Variants in EYS observed in about 807,000 individuals in gnomAD.
The protein encoded by EYS is EGF-like photoreceptor maintenance factor.
A neutral mutation model predicts 282.1 loss-of-function variants in EYS; 250 were observed. The observed-to-expected ratio is 0.89, with a 90% CI of 0.80 to 0.98. The LOEUF is 0.98. Ranked by LOEUF, EYS falls within the 50% of genes least tolerant of loss-of-function variation. EYS has a pLI of 0.00. For synonymous variants in EYS, 1,355 were observed against 1,282.9 expected (o/e 1.06, Z -1.20); for missense variants, 4,016 against 3,709.0 (o/e 1.08, Z -2.15).
chr6:63,942,323 A>C (rs1765266978), intron 35 of EYS, among the ~76,000 whole-genome samples: 1 of 152,218 alleles, frequency 6.6e-6, no homozygotes, highest in African/African-American at 2.4e-5. Context: ...ATGACTTCAC[A>C]AGATTTATGA....
intron 12 of EYS, among the ~76,000 whole-genome samples, chr6:65,064,204 C>A (rs1413430529): frequency 1.4e-5 from 2 of 138,160 alleles, no homozygotes; most frequent in South Asian, 2.2e-4. Context: ...TACTATATAT[C>A]ATATACTATA....
chr6:65,368,883 G>C (rs1765019819), intron 8 of EYS, among the ~76,000 whole-genome samples: 1 of 151,526 alleles, frequency 6.6e-6, no homozygotes, highest in Non-Finnish European at 1.5e-5. Flanking sequence ...AGAGAGAGAT[G>C]AGAGGAGATG....
intron 30 of EYS, among the ~76,000 whole-genome samples, chr6:64,260,058 A>G (rs1278837386): frequency 1.3e-5 from 2 of 152,056 alleles, no homozygotes; most frequent in African/African-American, 4.8e-5. Flanking sequence ...AAGTATGTAA[A>G]TGTGACTTAA....
chr6:64,183,656 CTT>C (rs1764850094), intron 31 of EYS, among the ~76,000 whole-genome samples: 1 of 152,034 alleles, frequency 6.6e-6, no homozygotes, highest in African/African-American at 2.4e-5. Context: ...ATATTTAAAA[CTT>C]TTAAATGTAA....
intron 22 of EYS, among the ~76,000 whole-genome samples, chr6:64,755,489 AACAT>A (rs1211873031): frequency 8.0e-5 from 10 of 124,558 alleles, no homozygotes; most frequent in African/African-American, 2.9e-4. Context: ...AAATCTTGAG[AACAT>A]ACATACACAC....
intron 2 of EYS, among the ~76,000 whole-genome samples, chr6:65,604,842 CT>C (rs10583844): frequency 0.064 from 8,329 of 130,346 alleles, 658 homozygotes; most frequent in African/African-American, 0.2. Context: ...TCACTGCCCC[CT>C]TTTTTTTTTT....
intron 15 of EYS, among the ~76,000 whole-genome samples, chr6:64,939,141 C>A (rs538180245): frequency 2.0e-5 from 3 of 151,888 alleles, no homozygotes; most frequent in African/African-American, 7.2e-5. Flanking sequence ...GCTCTTTTCT[C>A]TTTACAATCT....
At chr6:64,792,853 GAC>G (rs1774233818) in intron 22 of EYS, among the ~76,000 whole-genome samples, 15 of 56,950 alleles carry the variant, frequency 2.6e-4, no homozygotes, top group South Asian at 6.0e-4. Context: ...ATACGATCTT[GAC>G]ACGTGTGTGT....
At chr6:64,340,476 G>T (rs192013281) in intron 29 of EYS, among the ~76,000 whole-genome samples, 1 of 151,700 alleles carries the variant, frequency 6.6e-6, no homozygotes. Flanking sequence ...GGAGAAAGAT[G>T]TCCATATTCA....
chr6:65,163,136 C>T (rs1764891059), intron 12 of EYS, among the ~76,000 whole-genome samples: 1 of 151,208 alleles, frequency 6.6e-6, no homozygotes, highest in Non-Finnish European at 1.5e-5. Context: ...TCTCTTTATG[C>T]ACCTCTTGAG....
intron 26 of EYS, among the ~76,000 whole-genome samples, chr6:64,546,008 T>C (rs1465364091): frequency 6.6e-6 from 1 of 152,098 alleles, no homozygotes; most frequent in Admixed American, 6.6e-5. Flanking sequence ...CTTCACAGAA[T>C]TGGAAAAAAC....
At chr6:64,300,083 G>A (rs1454853563) in intron 30 of EYS, among the ~76,000 whole-genome samples, 1 of 152,206 alleles carries the variant, frequency 6.6e-6, no homozygotes, top group Non-Finnish European at 1.5e-5. Flanking sequence ...AGTGGCATTA[G>A]AAGGGGAGTT....
chr6:64,431,437 C>G (rs1422108475), intron 28 of EYS, among the ~76,000 whole-genome samples: 1 of 152,062 alleles, frequency 6.6e-6, no homozygotes, highest in Non-Finnish European at 1.5e-5. Flanking sequence ...TTTGTGAAAA[C>G]CCAATTTAAT....
At chr6:65,095,665 A>G (rs1256483217) in intron 12 of EYS, among the ~76,000 whole-genome samples, 13 of 150,998 alleles carry the variant, frequency 8.6e-5, no homozygotes, top group Admixed American at 8.6e-4. Context: ...ATTAACATTA[A>G]TTCTTTTCGT....
At chr6:64,839,750 G>A (rs1765505419) in intron 19 of EYS, among the ~76,000 whole-genome samples, 1 of 151,974 alleles carries the variant, frequency 6.6e-6, no homozygotes, top group Non-Finnish European at 1.5e-5. Flanking sequence ...TCAAGACGAT[G>A]CCTTGTTGCT....
intron 30 of EYS, among the ~76,000 whole-genome samples, chr6:64,287,285 G>A (rs1053945604): frequency 6.6e-6 from 1 of 152,064 alleles, no homozygotes; most frequent in African/African-American, 2.4e-5. Context: ...TCAGAAAACA[G>A]CCATTATGTT....
At chr6:64,124,666 T>C (rs547474409) in intron 31 of EYS, among the ~76,000 whole-genome samples, 3 of 152,144 alleles carry the variant, frequency 2.0e-5, no homozygotes, top group African/African-American at 7.2e-5. Flanking sequence ...TGGCCAAAAA[T>C]TTTCGTGTGT....
intron 29 of EYS, among the ~76,000 whole-genome samples, chr6:64,334,303 G>A (rs776158808): frequency 4.6e-5 from 7 of 152,084 alleles, no homozygotes; most frequent in Non-Finnish European, 7.4e-5. Context: ...ATGTGTATTA[G>A]GAAAAATAAG....
chr6:65,430,090 G>C (rs62407676), intron 5 of EYS, among the ~76,000 whole-genome samples: 17,157 of 152,106 alleles, frequency 0.11, 1,255 homozygotes, highest in South Asian at 0.21. Flanking sequence ...TGAACCAGGG[G>C]TTGAGAGGTA....
Sources: allele counts gnomAD v4.1 joint callset (sites outside exome capture counted in the v4.1 genomes callset), GRCh38; gene constraint gnomAD v4.1.1; transcripts MANE v1.5; gene names NCBI Gene and HGNC (gene_info 2026-07-23, HGNC 2026-07-21).